The following MCHR2 variants were observed in gnomAD, a reference collection of about 807,000 sequenced individuals.
The protein encoded by MCHR2 is melanin concentrating hormone receptor 2, also known as melanin-concentrating hormone receptor 2.
MCHR2 carries 15 observed loss-of-function variants against 24.8 expected under a neutral mutation model. The ratio of observed to expected loss-of-function variants is 0.60; its 90% CI spans 0.40 to 0.93. The LOEUF is 0.93. Among genes scored for constraint, MCHR2 ranks in the 40% least tolerant of loss-of-function variants. The probability of loss-of-function intolerance (pLI) is 0.00; values close to 1 mark genes in which losing one functional copy is unlikely to be tolerated. For synonymous variants in MCHR2, 151 were observed against 147.6 expected (o/e 1.02, Z -0.17); for missense variants, 386 against 408.7 (o/e 0.94, Z 0.48).
intron 4 of MCHR2, among the ~76,000 whole-genome samples, chr6:99,935,606 C>T (rs1483861563): frequency 1.3e-5 from 2 of 151,712 alleles, no homozygotes; most frequent in African/African-American, 4.8e-5. Context: ...ATCCATTCAC[C>T]TATTGATAGG....
At chr6:99,935,155 A>C (rs576427980) in intron 4 of MCHR2, among the ~76,000 whole-genome samples, 9 of 152,174 alleles carry the variant, frequency 5.9e-5, no homozygotes, top group African/African-American at 1.9e-4. Flanking sequence ...TGTAAAAATC[A>C]AATCAGTGTA....
intron 1 of MCHR2, among the ~76,000 whole-genome samples, chr6:99,988,009 G>T (rs1582415759): frequency 6.6e-6 from 1 of 152,296 alleles, no homozygotes; most frequent in East Asian, 1.9e-4. Context: ...TGGAACTAAG[G>T]CAGCCATAGA....
intron 4 of MCHR2, among the ~76,000 whole-genome samples, chr6:99,936,631 C>T (rs990405231): frequency 6.6e-6 from 1 of 151,982 alleles, no homozygotes; most frequent in South Asian, 2.1e-4. Context: ...CATGATGCCT[C>T]TAGCTTTGTT....
chr6:99,941,435 G>A (rs528443126), intron 4 of MCHR2, among the ~76,000 whole-genome samples: 1 of 152,082 alleles, frequency 6.6e-6, no homozygotes, highest in Non-Finnish European at 1.5e-5. Context: ...GGAACTGGAA[G>A]TGCAGTCCTA....
intron 1 of MCHR2, among the ~76,000 whole-genome samples, chr6:99,988,542 T>A (rs947338801): frequency 6.6e-6 from 1 of 151,926 alleles, no homozygotes; most frequent in African/African-American, 2.4e-5. Flanking sequence ...GTAGGAGGAG[T>A]GAAATTACAG....
At position 99,933,058 on chromosome 6, in the gene MCHR2, A is replaced by G. The variant is rs540418534; in HGVS notation, c.707+1340T>C. 1.8e-3 allele frequency among the ~76,000 whole-genome samples: 264 copies of G among 150,826 alleles called. 1 individual carries two copies. In the Middle Eastern group the frequency reaches 0.042, roughly 24 times the overall value. ...GAAATGCAAATTATTTTAAAATAAA[A>G]CATATTTTAAAATTCCCATATTTAA... is the stretch of plus-strand genomic sequence containing the variant. On this transcript the variant is annotated intron_variant, in intron 5 of 5. Transcript: ENST00000281806.
At chr6:99,981,436 G>T (rs1341926012) in intron 1 of MCHR2, among the ~76,000 whole-genome samples, 1 of 124,092 alleles carries the variant, frequency 8.1e-6, no homozygotes, top group Admixed American at 8.4e-5. Flanking sequence ...ACTGGAGTCT[G>T]GCCGCTGGGA....
At chr6:99,951,698 G>A (rs1774968722) in intron 2 of MCHR2, among the ~76,000 whole-genome samples, 1 of 152,086 alleles carries the variant, frequency 6.6e-6, no homozygotes, top group Admixed American at 6.6e-5. Context: ...CACTTGGAAT[G>A]GTAGAGGGCT....
intron 5 of MCHR2, among the ~76,000 whole-genome samples, chr6:99,926,819 G>A (rs1262602878): frequency 2.0e-5 from 3 of 152,068 alleles, no homozygotes; most frequent in African/African-American, 4.8e-5. Context: ...TTCTTTTGCT[G>A]TGCCGAAGCT....
chr6:99,952,622 C>T (rs1774986131), intron 2 of MCHR2, among the ~76,000 whole-genome samples: 1 of 151,964 alleles, frequency 6.6e-6, no homozygotes, highest in South Asian at 2.1e-4. Flanking sequence ...AAGATCATGG[C>T]AAAGCATGAT....
intron 1 of MCHR2, among the ~76,000 whole-genome samples, chr6:99,973,387 T>G (rs6935112): frequency 2.0e-5 from 3 of 151,910 alleles, no homozygotes; most frequent in Admixed American, 2.0e-4. Context: ...GATTGCAACC[T>G]CTGCCTTTTT....
In MCHR2 at chr6:99,926,876, A is replaced by T. The variant is rs184409304; in HGVS notation, c.708-5621T>A. Reference sequence around the variant, plus strand: ...TTTGTCAATTTTGGCTTTTGTTGCCATTGCTTTTGGTGTTTTAGACATGAA... The same window carrying T: ...TTTGTCAATTTTGGCTTTTGTTGCCTTTGCTTTTGGTGTTTTAGACATGAA... On this transcript the variant is annotated intron_variant, in intron 5 of 5. Coordinates refer to ENST00000281806, the MANE Select transcript of MCHR2 (RefSeq NM_001040179.2). 8.4e-3 allele frequency among the ~76,000 whole-genome samples: 1,275 copies of T among 152,222 alleles called. 15 individuals are homozygous for T. The highest frequency in any genetic ancestry group is 0.029 in the African/African-American group (1,203 of 41,532).
intron 1 of MCHR2, among the ~76,000 whole-genome samples, chr6:99,977,741 A>T (rs1775580758): frequency 6.6e-6 from 1 of 151,824 alleles, no homozygotes; most frequent in South Asian, 2.1e-4. Context: ...CTTATCCTTT[A>T]AAAAAAAGGT....
At chr6:99,986,706 T>G (rs1413317127) in intron 1 of MCHR2, among the ~76,000 whole-genome samples, 2 of 151,966 alleles carry the variant, frequency 1.3e-5, no homozygotes, top group Non-Finnish European at 2.9e-5. Context: ...GATGGAATAA[T>G]TCCTATAGGG....
chr6:99,947,542 A>G (rs1774892891), intron 3 of MCHR2, among the ~76,000 whole-genome samples: 1 of 152,166 alleles, frequency 6.6e-6, no homozygotes, highest in African/African-American at 2.4e-5. Context: ...GTCAAAAAGA[A>G]TGATTAGAAA....
intron 4 of MCHR2, among the ~76,000 whole-genome samples, chr6:99,938,083 G>A (rs1363212130): frequency 6.6e-6 from 1 of 151,570 alleles, no homozygotes; most frequent in Non-Finnish European, 1.5e-5. Flanking sequence ...TGTTTATTTG[G>A]AACTTCTCTG....
At chr6:99,946,217 T>C (rs968165068) in intron 3 of MCHR2, among the ~76,000 whole-genome samples, 3 of 152,114 alleles carry the variant, frequency 2.0e-5, no homozygotes, top group South Asian at 4.1e-4. Context: ...GCTTTTCTCA[T>C]GACACAGTCA....
At chr6:99,922,274 T>C (rs1423975688) in intron 5 of MCHR2, among the ~76,000 whole-genome samples, 3 of 152,118 alleles carry the variant, frequency 2.0e-5, no homozygotes, top group Middle Eastern at 3.4e-3. Context: ...ACCCAGCTAA[T>C]TTTTTGTATT....
chr6:99,982,657 A>T lies in MCHR2; in HGVS notation c.-28+11279T>A, dbSNP rs368713783. ...TACTCTCCAGAAAAAAACCACACCC[A>T]ATTTTAATTGGGGTGCTATTATGGG... On this transcript the variant is annotated intron_variant, in intron 1 of 5. Coordinates refer to ENST00000281806, the MANE Select transcript of MCHR2 (RefSeq NM_001040179.2). Among the ~76,000 whole-genome samples the T allele has an allele frequency of 2.6e-4, 40 of 151,908 alleles. 1 individual carries two copies. In the East Asian group the frequency reaches 5.8e-3, roughly 22 times the overall value.
Sources: gnomAD v4.1 joint callset for allele counts (sites outside exome capture counted in the v4.1 genomes callset) on GRCh38, gnomAD v4.1.1 for gene constraint, MANE v1.5 for transcripts, NCBI Gene and HGNC (gene_info 2026-07-23, HGNC 2026-07-21) for gene names.